Variants in SPTBN2 observed in about 807,000 individuals in gnomAD.
SPTBN2 encodes the protein spectrin beta chain, non-erythrocytic 2.
Under a neutral mutation model 284.2 loss-of-function variants are expected in SPTBN2, and 107 were observed. That is an observed-to-expected ratio of 0.38 (90% CI 0.32 to 0.44). SPTBN2 has a LOEUF of 0.44. Among genes scored for constraint, SPTBN2 ranks in the 20% least tolerant of loss-of-function variants. SPTBN2 has a pLI of 1.00. For missense variants in SPTBN2, 2,569 were observed against 3,287.1 expected (o/e 0.78, Z 5.34); for synonymous variants, 1,289 against 1,354.8 (o/e 0.95, Z 1.07).
rs544709485 is a variant in SPTBN2 at position 66,713,323 on chromosome 11, G to C, written c.772+308C>G. On this transcript the variant is annotated intron_variant, in intron 8 of 37. Transcript: ENST00000533211. ...GTGTAAAGATATATATTTTTTTTGG[G>C]GGGGAGGGGTAGTCATGGGGTCTCA... Among the ~76,000 whole-genome samples the C allele has an allele frequency of 9.9e-5, 15 of 151,004 alleles. No individual in the cohort carries two copies. In the East Asian group the frequency reaches 1.9e-3, roughly 20 times the overall value.
chr11:66,688,878 G>C (rs374076925), intron 30 of SPTBN2, 29 bp from the exon 31 acceptor site: 2 of 1,609,138 alleles, frequency 1.2e-6, no homozygotes, highest in Admixed American at 3.3e-5. Flanking sequence ...GCAGGAAGAT[G>C]GTGGGTCAGA....
chr11:66,693,055 C>T lies in SPTBN2; in HGVS notation c.4900G>A (p.Glu1634Lys), dbSNP rs1053842135. The change falls in exon 25 of 38, where the codon GAG (glutamate) becomes AAG (lysine). Residue 1634 changes from glutamate to lysine, a missense_variant. Around this residue, in one of 6 missense-constraint regions of SPTBN2, gnomAD observed 1,130 missense variants for 1,317.3 expected, o/e 0.86. Transcript: ENST00000533211. The surrounding 1 kb of genome is among the most constrained non-coding windows in gnomAD (Gnocchi z 5.7). Reference sequence around the variant, plus strand: ...TGCGCGTAGTCGGCCAGGGCTTGCTCCAGCACCTGGTGCTTCTTCACCTCT... The same window carrying T: ...TGCGCGTAGTCGGCCAGGGCTTGCTTCAGCACCTGGTGCTTCTTCACCTCT... ...QAEVKKHQVL[E>K]QALADYAQTI... 1.2e-6 allele frequency: 2 copies of T among 1,614,010 alleles called. No individual in the cohort carries two copies. The highest frequency in any genetic ancestry group is 8.5e-7 in the Non-Finnish European group (1 of 1,180,036).
rs1477885202 is a variant in SPTBN2 at position 66,687,200 on chromosome 11, C to T, written c.6723-33G>A. ...GGACGCGGTGCTGACTGGCCGGCCTCAGTGGCGCCCGCAACCTGGAGCCCT... is the reference window on the plus strand; with the variant it reads ...GGACGCGGTGCTGACTGGCCGGCCTTAGTGGCGCCCGCAACCTGGAGCCCT... On this transcript the variant is annotated intron_variant, in intron 35 of 37. Transcript: ENST00000533211. This position sits in a 1 kb window ranked among gnomAD's most constrained non-coding sequence, Gnocchi z 5.2. 5 of 1,611,646 alleles carry T rather than the reference C, an allele frequency of 3.1e-6. No homozygotes were observed. Among genetic ancestry groups the T allele is most frequent in the Non-Finnish European group, 4.2e-6 (5 of 1,179,718 alleles).
intron 3 of SPTBN2, among the ~76,000 whole-genome samples, chr11:66,720,848 C>T (rs572181854): frequency 1.3e-4 from 20 of 152,156 alleles, no homozygotes; most frequent in Admixed American, 9.8e-4. Context: ...GTCAGCTCAG[C>T]CAGTCCAGGG....
At chr11:66,743,928 T>C (rs1193569169) in intron 1 of SPTBN2, among the ~76,000 whole-genome samples, 1 of 151,674 alleles carries the variant, frequency 6.6e-6, no homozygotes, top group African/African-American at 2.4e-5. Flanking sequence ...TGACGCGATC[T>C]CGGCTCACTG....
intron 1 of SPTBN2, among the ~76,000 whole-genome samples, chr11:66,743,039 C>CG (rs1470722829): frequency 1.1e-4 from 16 of 151,358 alleles, no homozygotes; most frequent in African/African-American, 3.9e-4. Context: ...TAGTGGGGTC[C>CG]GACAACAAGC....
At chr11:66,734,528 G>GCTCTTC (rs1942839346) in intron 1 of SPTBN2, among the ~76,000 whole-genome samples, 1 of 152,078 alleles carries the variant, frequency 6.6e-6, no homozygotes, top group Admixed American at 6.6e-5. Flanking sequence ...GGTTGGAATC[G>GCTCTTC]CTCTTCCTCT....
chr11:66,687,493 T>C lies in SPTBN2; in HGVS notation c.6656A>G (p.Glu2219Gly). The C allele has an allele frequency of 6.2e-7, 1 of 1,611,332 alleles. No individual in the cohort carries two copies. The highest frequency in any genetic ancestry group is 8.5e-7 in the Non-Finnish European group (1 of 1,179,966). ...GCGGCACAGCATCCCCTCCATCTGC[T>C]CCTGGGCAGATGGCTCTGGGCCTCG... ...PPRGPEPSAQ[E>G]QMEGMLCRKQ... Residue 2219 changes from glutamate (E) to glycine (G), a missense_variant, in exon 35 of 38, where the codon GAG becomes GGG. Physicochemically the swap from Glu to Gly is moderately conservative, Grantham distance 98 (BLOSUM62 -2). Around this residue, in one of 6 missense-constraint regions of SPTBN2, gnomAD observed 1,130 missense variants for 1,317.3 expected, o/e 0.86. Coordinates refer to ENST00000533211, the MANE Select transcript of SPTBN2 (RefSeq NM_006946.4). This position sits in a 1 kb window ranked among gnomAD's most constrained non-coding sequence, Gnocchi z 5.2.
chr11:66,718,335 G>A lies in SPTBN2; in HGVS notation c.158-2354C>T, dbSNP rs1942237316. ...ACGTTGTCTCCCAACACAAACACTGGAGTCACACTGTGTCCTGTGCCAGGT... is the reference window on the plus strand; with the variant it reads ...ACGTTGTCTCCCAACACAAACACTGAAGTCACACTGTGTCCTGTGCCAGGT... On this transcript the variant is annotated intron_variant, in intron 3 of 37. Transcript: ENST00000533211. The surrounding 1 kb of genome is among the most constrained non-coding windows in gnomAD (Gnocchi z 4.8). Among the ~76,000 whole-genome samples, 1 of 152,166 alleles carries A rather than the reference G, an allele frequency of 6.6e-6. No homozygotes were observed. The highest frequency in any genetic ancestry group is 2.4e-5 in the African/African-American group (1 of 41,416).
At chr11:66,689,484 A>T in intron 29 of SPTBN2, 1 of 532,112 alleles carries the variant, frequency 1.9e-6, no homozygotes, top group Non-Finnish European at 3.4e-6. Flanking sequence ...ATGTTTCATC[A>T]CAGCCCAGCC....
In SPTBN2 at chr11:66,691,605, C is replaced by T. The variant is rs1372711503; in HGVS notation, c.5244G>A (p.Gln1748=). ...EFSRDTSTIG[Q]ERVDSANALA... ...GCGCATTGGCGCTATCTACGCGCTC[C>T]TGACCGATGGTGCTTGTGTCCCGGG... The change falls in exon 27 of 38, where the codon CAG becomes CAA. Residue 1748 remains glutamine (Q), a synonymous_variant. Coordinates refer to ENST00000533211, the MANE Select transcript of SPTBN2 (RefSeq NM_006946.4). The surrounding 1 kb of genome is among the most constrained non-coding windows in gnomAD (Gnocchi z 8.0). 1 of 1,613,908 alleles carries T rather than the reference C, an allele frequency of 6.2e-7. No homozygotes were observed.
At position 66,687,507 on chromosome 11, in the gene SPTBN2, C is replaced by T. The variant is rs373673230; in HGVS notation, c.6642G>A (p.Glu2214=). ...HAATLPPRGP[E]PSAQEQMEGM... ...CCTCCATCTGCTCCTGGGCAGATGG[C>T]TCTGGGCCTCGAGGCGGCAGGGTGG... Residue 2214 remains glutamate (E), a synonymous_variant, in exon 35 of 38, where the codon GAG becomes GAA. Coordinates refer to ENST00000533211, the MANE Select transcript of SPTBN2 (RefSeq NM_006946.4). The surrounding 1 kb of genome is among the most constrained non-coding windows in gnomAD (Gnocchi z 5.2). The T allele has an allele frequency of 1.4e-5, 23 of 1,611,802 alleles. No homozygotes were observed. The highest frequency in any genetic ancestry group is 2.2e-5 in the East Asian group (1 of 44,884).
Position 66,704,693 on chromosome 11 carries a change from G to C in SPTBN2, c.2583C>G (p.Ala861=). ...CCTCCACCCAGAGTCCACAGGCCCC[G>C]GCCTCGCTGAGCATGGTGTAGAGCG... ...ALALYTMLSE[A]GACGLWVEEK... is the part of the protein sequence containing the mutation. Residue 861 remains alanine (A), a synonymous_variant, in exon 15 of 38, where the codon GCC becomes GCG. Coordinates refer to ENST00000533211, the MANE Select transcript of SPTBN2 (RefSeq NM_006946.4). 6.2e-7 allele frequency: 1 copy of C among 1,608,474 alleles called. No individual in the cohort carries two copies. Among genetic ancestry groups the C allele is most frequent in the Non-Finnish European group, 8.5e-7 (1 of 1,178,008 alleles).
At position 66,714,110 on chromosome 11, in the gene SPTBN2, C is replaced by A; in HGVS notation, c.637G>T (p.Ala213Ser). 1 of 1,614,214 alleles carries A rather than the reference C, an allele frequency of 6.2e-7. No individual in the cohort carries two copies. Among genetic ancestry groups the A allele is most frequent in the Non-Finnish European group, 8.5e-7 (1 of 1,180,034 alleles). Residue 213 changes from alanine to serine, a missense_variant, in exon 7 of 38, where the codon GCC (alanine) becomes TCC (serine). Coordinates refer to ENST00000533211, the MANE Select transcript of SPTBN2 (RefSeq NM_006946.4). ...TSWRDGLAFN[A>S]IVHKHRPDLL... ...TCTCACCGGTGTTTATGCACGATGGCGTTGAAAGCTAGTCCATCTCTCCAG... is the reference window on the plus strand; with the variant it reads ...TCTCACCGGTGTTTATGCACGATGGAGTTGAAAGCTAGTCCATCTCTCCAG...
Position 66,693,177 on chromosome 11 carries a change from G to T in SPTBN2, c.4854+9C>A. On this transcript the variant is annotated intron_variant, in intron 24 of 37. Transcript: ENST00000533211. The surrounding 1 kb of genome is among the most constrained non-coding windows in gnomAD (Gnocchi z 5.7). Reference sequence around the variant, plus strand: ...GGTCACATACACTGGGCTCTGTCCTGGCCCTCACCTTGGCCTTCTCCTGGC... The same window carrying T: ...GGTCACATACACTGGGCTCTGTCCTTGCCCTCACCTTGGCCTTCTCCTGGC... The T allele has an allele frequency of 6.2e-7, 1 of 1,614,224 alleles. No individual in the cohort carries two copies. The highest frequency in any genetic ancestry group is 8.5e-7 in the Non-Finnish European group (1 of 1,180,042).
In SPTBN2 at chr11:66,708,094, C is replaced by T; in HGVS notation, c.1350+47G>A. On this transcript the variant is annotated intron_variant, in intron 12 of 37. Transcript: ENST00000533211. The surrounding 1 kb of genome is among the most constrained non-coding windows in gnomAD (Gnocchi z 4.4). ...GGGGCTTCTTATCCACCCTGTCTCT[C>T]TCCCAGTTCTGACCAGCCTAAGCAT... 1.2e-6 allele frequency: 2 copies of T among 1,612,082 alleles called. No individual in the cohort carries two copies. The highest frequency in any genetic ancestry group is 1.7e-6 in the Non-Finnish European group (2 of 1,179,164).
Position 66,708,429 on chromosome 11 carries a change from G to T in SPTBN2, c.1192-130C>A. On this transcript the variant is annotated intron_variant, in intron 11 of 37. Coordinates refer to ENST00000533211, the MANE Select transcript of SPTBN2 (RefSeq NM_006946.4). The surrounding 1 kb of genome is among the most constrained non-coding windows in gnomAD (Gnocchi z 4.4). ...GGAATGCAGTGGGTGAGACGCCTGGGCGTGGAAACAGGAAACAGGGCAGCG... is the reference window on the plus strand; with the variant it reads ...GGAATGCAGTGGGTGAGACGCCTGGTCGTGGAAACAGGAAACAGGGCAGCG... 1 of 981,744 alleles carries T rather than the reference G, an allele frequency of 1.0e-6. No homozygotes were observed. The highest frequency in any genetic ancestry group is 1.5e-6 in the Non-Finnish European group (1 of 684,664). The allele number at this position is 981,744 out of a possible 1,614,324, so 60.8% of individuals were successfully genotyped here. A position where few individuals can be genotyped will look rare whatever the true frequency, so the allele number is the denominator to read the frequency against.
In SPTBN2 at chr11:66,693,762, T is replaced by C; in HGVS notation, c.4593+10A>G. 6.2e-7 allele frequency: 1 copy of C among 1,610,486 alleles called. No individual in the cohort carries two copies. Among genetic ancestry groups the C allele is most frequent in the Non-Finnish European group, 8.5e-7 (1 of 1,178,470 alleles). ...GGGAACTTCTCTTTTGCCTTCAGCC[T>C]CTGCCTCACCTGGTTTTTCTTCATG... On this transcript the variant is annotated intron_variant, in intron 23 of 37. Coordinates refer to ENST00000533211, the MANE Select transcript of SPTBN2 (RefSeq NM_006946.4). The surrounding 1 kb of genome is among the most constrained non-coding windows in gnomAD (Gnocchi z 5.7).
intron 1 of SPTBN2, among the ~76,000 whole-genome samples, chr11:66,744,166 C>A (rs1247634945): frequency 6.6e-6 from 1 of 152,120 alleles, no homozygotes; most frequent in Non-Finnish European, 1.5e-5. Flanking sequence ...CGGCCCAGGG[C>A]GTCGTTTTTA....
Sources: allele counts gnomAD v4.1 joint callset (sites outside exome capture counted in the v4.1 genomes callset), GRCh38; gene constraint gnomAD v4.1.1; regional missense constraint gnomAD v4.1.1; non-coding constraint Gnocchi (gnomAD v3.1); transcripts MANE v1.5; gene names NCBI Gene and HGNC (gene_info 2026-07-23, HGNC 2026-07-21).